Variants in DIS3L2 observed in about 807,000 individuals in gnomAD.
DIS3L2 encodes the protein DIS3-like exonuclease 2.
A neutral mutation model predicts 97.5 loss-of-function variants in DIS3L2; 34 were observed. The ratio of observed to expected loss-of-function variants is 0.35; its 90% CI spans 0.27 to 0.46. The LOEUF is 0.46. Among genes scored for constraint, DIS3L2 ranks in the 20% least tolerant of loss-of-function variants. The pLI, the probability that DIS3L2 is intolerant of heterozygous loss-of-function variation, is 1.00. For synonymous variants in DIS3L2, 435 were observed against 445.2 expected (o/e 0.98, Z 0.29); for missense variants, 1,038 against 1,146.0 (o/e 0.91, Z 1.36).
intron 6 of DIS3L2, among the ~76,000 whole-genome samples, chr2:232,098,542 T>G (rs968962412): frequency 5.3e-5 from 8 of 151,986 alleles, no homozygotes; most frequent in African/African-American, 1.9e-4. Flanking sequence ...TTAGTAGAGA[T>G]GGGTTTTCAC....
chr2:232,023,669 G>A (rs1368123676), intron 3 of DIS3L2, among the ~76,000 whole-genome samples: 1 of 152,188 alleles, frequency 6.6e-6, no homozygotes, highest in Non-Finnish European at 1.5e-5. Flanking sequence ...GAAGTTGAAG[G>A]CAGACTGGGT....
intron 13 of DIS3L2, among the ~76,000 whole-genome samples, chr2:232,273,898 G>A (rs1694071755): frequency 6.6e-6 from 1 of 152,196 alleles, no homozygotes; most frequent in South Asian, 2.1e-4. Flanking sequence ...GGATGAAAGC[G>A]ATTTGTGTAT....
chr2:232,229,460 T>C (rs1231427483), intron 10 of DIS3L2, among the ~76,000 whole-genome samples: 1 of 152,256 alleles, frequency 6.6e-6, no homozygotes, highest in Non-Finnish European at 1.5e-5. Context: ...CTCTGGAGCC[T>C]GTGCTCTGTC....
In DIS3L2 at chr2:231,978,007, G is replaced by A. The variant is rs1574780717; in HGVS notation, c.-94+16242G>A. Among the ~76,000 whole-genome samples the A allele has an allele frequency of 2.0e-5, 3 of 152,276 alleles. No individual in the cohort carries two copies. The South Asian group carries it at 6.2e-4, about 32-fold the overall frequency. The stretch of plus-strand genomic sequence containing the variant: ...GTGATACAACTTCAGAAGAAAAGAT[G>A]AAAATCGAGGTTTTTGTTAACTCCT... On this transcript the variant is annotated intron_variant, in intron 1 of 20. Transcript: ENST00000325385.
At chr2:232,148,124 A>C (rs1315707260) in intron 8 of DIS3L2, among the ~76,000 whole-genome samples, 3 of 142,088 alleles carry the variant, frequency 2.1e-5, no homozygotes, top group African/African-American at 8.0e-5. Context: ...ATCTCGGCTC[A>C]CTGCAACCTC....
chr2:232,052,347 A>G (rs1695434425), intron 5 of DIS3L2, among the ~76,000 whole-genome samples: 2 of 152,112 alleles, frequency 1.3e-5, no homozygotes, highest in South Asian at 4.1e-4. Flanking sequence ...CTTTTTGTTT[A>G]CAGAGTTAAA....
intron 9 of DIS3L2, among the ~76,000 whole-genome samples, chr2:232,205,211 C>CATATATATATATATATATAT (rs57163508): frequency 2.8e-5 from 4 of 140,558 alleles, no homozygotes; most frequent in African/African-American, 1.1e-4. Flanking sequence ...AGGCAGTTTA[C>CATATATATATATATATATAT]ATATATATAT....
intron 1 of DIS3L2, among the ~76,000 whole-genome samples, chr2:231,979,622 GGCTGGAGT>G (rs1693193496): frequency 6.6e-6 from 1 of 152,062 alleles, no homozygotes; most frequent in South Asian, 2.1e-4. Flanking sequence ...CCTATTGCCA[GGCTGGAGT>G]GCAGTGGTGT....
intron 12 of DIS3L2, among the ~76,000 whole-genome samples, chr2:232,256,678 C>A (rs1051603826): frequency 6.6e-6 from 1 of 152,200 alleles, no homozygotes; most frequent in African/African-American, 2.4e-5. Context: ...GAGAGGCTAG[C>A]CAACTTCAAC....
chr2:232,079,649 G>T (rs1043032545), intron 5 of DIS3L2, among the ~76,000 whole-genome samples: 2 of 150,576 alleles, frequency 1.3e-5, no homozygotes, highest in African/African-American at 2.4e-5. Context: ...AGTAAAGCTG[G>T]ATAAGGGGCT....
chr2:232,065,287 A>AG (rs1255843809), intron 5 of DIS3L2, among the ~76,000 whole-genome samples: 70 of 151,998 alleles, frequency 4.6e-4, no homozygotes, highest in African/African-American at 1.5e-3. Flanking sequence ...GGCAACCACC[A>AG]TTCTACTCTG....
At chr2:232,342,145 A>G (rs1315306762), downstream of DIS3L2, among the ~76,000 whole-genome samples, 1 of 152,102 alleles carries the variant, frequency 6.6e-6, no homozygotes, top group Non-Finnish European at 1.5e-5. Flanking sequence ...ACATATACAT[A>G]TATACACATA....
chr2:232,120,979 TG>T (rs1218209249), intron 6 of DIS3L2, among the ~76,000 whole-genome samples: 1 of 152,098 alleles, frequency 6.6e-6, no homozygotes, highest in Non-Finnish European at 1.5e-5. Context: ...CAATTAACCA[TG>T]TCCAGGCCTC....
chr2:232,149,147 C>T (rs1269414074), intron 8 of DIS3L2, among the ~76,000 whole-genome samples: 2 of 149,952 alleles, frequency 1.3e-5, no homozygotes, highest in Non-Finnish European at 3.0e-5. Context: ...AGATACCCTG[C>T]ACCAGCTTCA....
intron 5 of DIS3L2, among the ~76,000 whole-genome samples, chr2:232,065,658 G>A (rs1022724312): frequency 6.6e-6 from 1 of 151,772 alleles, no homozygotes; most frequent in African/African-American, 2.4e-5. Flanking sequence ...GACTCTTTGG[G>A]CTCCTGTGTA....
rs10682281 is a variant in DIS3L2, at chr2:232,128,451, ATTTTTTTTTTTT to A, written c.602-2151_602-2140del. 1.1e-4 allele frequency among the ~76,000 whole-genome samples: 8 copies of A among 71,694 alleles called. No individual in the cohort carries two copies. The South Asian group carries it at 3.7e-3, about 33-fold the overall frequency. The allele number at this position is 71,694 out of a possible 152,430, so 47.0% of individuals were successfully genotyped here. A position where few individuals can be genotyped will look rare whatever the true frequency, so the allele number is the denominator to read the frequency against. On this transcript the variant is annotated intron_variant, in intron 6 of 20. Transcript: ENST00000325385. ...TCTCATTAAATTGACAACTTTGCTA[ATTTTTTTTTTTT>A]TTTTTTTTTTTTTTTTGGAGAGACA... is the stretch of plus-strand genomic sequence containing the variant.
rs556273039 is a variant in DIS3L2 at position 232,322,409 on chromosome 2, T to C, written c.1740-7404T>C. On this transcript the variant is annotated intron_variant, in intron 14 of 20. Coordinates refer to ENST00000325385, the MANE Select transcript of DIS3L2 (RefSeq NM_152383.5). ...CCCTGCCACACTGTGGCATGGGACC[T>C]CTGTGGTCACTTCTGTGGCCTCCCA... 2.6e-5 allele frequency among the ~76,000 whole-genome samples: 4 copies of C among 152,350 alleles called. No homozygotes were observed. The East Asian group carries it at 7.7e-4, about 29-fold the overall frequency.
chr2:232,085,237 C>T lies in DIS3L2; in HGVS notation c.367-2250C>T, dbSNP rs77964560. 1.7e-4 allele frequency among the ~76,000 whole-genome samples: 26 copies of T among 152,310 alleles called. No individual in the cohort carries two copies. In the East Asian group the frequency reaches 4.4e-3, roughly 26 times the overall value. On this transcript the variant is annotated intron_variant, in intron 5 of 20. Coordinates refer to ENST00000325385, the MANE Select transcript of DIS3L2 (RefSeq NM_152383.5). ...CTCCATTATTCTCTCATTTACTTAA[C>T]GAGCTTTCTCATTCTTTCAATATAT...
intron 5 of DIS3L2, among the ~76,000 whole-genome samples, chr2:232,031,960 A>G (rs893776260): frequency 1.9e-4 from 29 of 152,040 alleles, no homozygotes; most frequent in South Asian, 6.2e-4. Flanking sequence ...TACAATAAAC[A>G]TATGTGTGCA....
Sources: gnomAD v4.1 joint callset for allele counts (sites outside exome capture counted in the v4.1 genomes callset) on GRCh38, gnomAD v4.1.1 for gene constraint, MANE v1.5 for transcripts, NCBI Gene and HGNC (gene_info 2026-07-23, HGNC 2026-07-21) for gene names.